The following NICN1 variants were observed in gnomAD, a reference collection of about 807,000 sequenced individuals.
NICN1 encodes nicolin-1.
In NICN1, 18 loss-of-function variants were observed where a neutral mutation model predicts 26.3. The observed-to-expected ratio is 0.68, with a 90% CI of 0.47 to 1.01. NICN1 has a LOEUF of 1.01. Ranked by LOEUF, NICN1 falls within the 50% of genes least tolerant of loss-of-function variation. NICN1 has a pLI of 0.00. For synonymous variants in NICN1, 109 were observed against 111.0 expected, an observed-to-expected ratio of 0.98 and a Z score of 0.11; for missense variants, 239 against 278.3, an observed-to-expected ratio of 0.86 and a Z score of 1.00.
rs536608166 is a variant in NICN1, at chr3:49,426,425, G to T, written c.136C>A (p.Gln46Lys). Residue 46 changes from glutamine (Q) to lysine (K), a missense_variant, in exon 2 of 6, where the codon CAG (glutamine) becomes AAG (lysine). Physicochemically the swap from Gln to Lys is moderately conservative, Grantham distance 53. Transcript: ENST00000273598. ...TFPSVAPFEL[Q>K]EITFKNYYTA... ...TAGTAATTCTTAAACGTGATTTCCT[G>T]CAACTAGAACACATACAACCCATTA... is the stretch of plus-strand genomic sequence containing the variant. The T allele has an allele frequency of 3.9e-5, 63 of 1,613,804 alleles. 1 individual carries two copies. The South Asian group carries it at 6.6e-4, about 17-fold the overall frequency.
chr3:49,427,017 G>T (rs537480648), intron 1 of NICN1, among the ~76,000 whole-genome samples: 2 of 152,192 alleles, frequency 1.3e-5, no homozygotes, highest in African/African-American at 4.8e-5. Flanking sequence ...TTCACCAAGT[G>T]GACTAAGAAA....
Position 49,422,566 on chromosome 3 carries a change from A to T in NICN1, c.*2267T>A, listed in dbSNP as rs1410277755. On this transcript the variant is annotated 3_prime_UTR_variant, in exon 6 of 6. Transcript: ENST00000273598. ...TCTCTCTCCGGAGCAAAGGATCTGA[A>T]GGGGGCGTGGGCAGCCCCAAGGGCA... 1.7e-6 allele frequency: 2 copies of T among 1,191,980 alleles called. No individual in the cohort carries two copies. Among genetic ancestry groups the T allele is most frequent in the Non-Finnish European group, 2.4e-6 (2 of 821,124 alleles). 73.8% of individuals were successfully genotyped at this position (1,191,980 alleles called of 1,614,324 possible).
At chr3:49,426,092 C>A (rs1299620028) in intron 2 of NICN1, 96 bp from the exon 3 acceptor site, 2 of 1,130,716 alleles carry the variant, frequency 1.8e-6, no homozygotes, top group Admixed American at 4.3e-5. Context: ...CCCCACAGGC[C>A]TTGGGAAGGA....
At chr3:49,426,837 G>C (rs1041627980) in intron 1 of NICN1, among the ~76,000 whole-genome samples, 1 of 151,978 alleles carries the variant, frequency 6.6e-6, no homozygotes, top group Non-Finnish European at 1.5e-5. Flanking sequence ...GTATCACTAG[G>C]GCCCAAAGAC....
At position 49,425,604 on chromosome 3, in the gene NICN1, TCTC is replaced by T. The variant is rs577362594; in HGVS notation, c.424-169_424-167del. ...AAAGAGGCAGTCAGACTACCTAAGT[TCTC>T]CTGCTGTGCAGACGGAGTCCTCAGA... On this transcript the variant is annotated intron_variant, in intron 3 of 5. Coordinates refer to ENST00000273598, the MANE Select transcript of NICN1 (RefSeq NM_032316.3). Among the ~76,000 whole-genome samples the T allele has an allele frequency of 2.7e-3, 416 of 151,766 alleles. 3 individuals carry two copies. Among genetic ancestry groups the T allele is most frequent in the African/African-American group, 9.3e-3 (386 of 41,396 alleles).
At chr3:49,426,524 CT>C in intron 1 of NICN1, 96 bp from the exon 2 acceptor site, 2 of 876,080 alleles carry the variant, frequency 2.3e-6, no homozygotes, top group Non-Finnish European at 3.5e-6. Flanking sequence ...TTCTCCCCAC[CT>C]TTTCTTTTTT....
intron 1 of NICN1, among the ~76,000 whole-genome samples, chr3:49,426,844 A>C (rs2049174233): frequency 6.6e-6 from 1 of 152,176 alleles, no homozygotes; most frequent in African/African-American, 2.4e-5. Flanking sequence ...TAGGGCCCAA[A>C]GACAATTCTG....
Position 49,423,206 on chromosome 3 carries a change from T to C in NICN1, c.*1627A>G, listed in dbSNP as rs918808948. On this transcript the variant is annotated 3_prime_UTR_variant, in exon 6 of 6. Coordinates refer to ENST00000273598, the MANE Select transcript of NICN1 (RefSeq NM_032316.3). ...GGTCACTGAACTCCCCCGAGAAAAC[T>C]GTTGAGCCACACACATGTCCAACTT... The C allele has an allele frequency of 2.0e-5, 3 of 151,138 alleles. No homozygotes were observed. Among genetic ancestry groups the C allele is most frequent in the African/African-American group, 7.4e-5 (3 of 40,450 alleles). The allele number at this position is 151,138 out of a possible 1,614,324, so 9.4% of individuals were successfully genotyped here.
rs2049152269 is a variant in NICN1 at position 49,424,365 on chromosome 3, C to G, written c.*468G>C. Reference sequence around the variant, plus strand: ...TGGCATAACACAAATGGAAAGAAAACCACTAGGGGACACACAGGAAGAAAT... The same window carrying G: ...TGGCATAACACAAATGGAAAGAAAAGCACTAGGGGACACACAGGAAGAAAT... On this transcript the variant is annotated 3_prime_UTR_variant, in exon 6 of 6. Transcript: ENST00000273598. 5.2e-6 allele frequency: 1 copy of G among 191,190 alleles called. No homozygotes were observed. Among genetic ancestry groups the G allele is most frequent in the African/African-American group, 2.4e-5 (1 of 42,394 alleles). 11.8% of individuals were successfully genotyped at this position (191,190 alleles called of 1,614,324 possible).
chr3:49,427,237 C>T (rs919726102), intron 1 of NICN1, among the ~76,000 whole-genome samples: 5 of 150,882 alleles, frequency 3.3e-5, no homozygotes, highest in Non-Finnish European at 5.9e-5. Context: ...AGGAGAATGG[C>T]GTGAACCCAG....
Position 49,424,998 on chromosome 3 carries a change from G to A in NICN1, c.551C>T (p.Thr184Ile). Reference sequence around the variant, plus strand: ...GGTGTGACTGGCCCGGATCATCTCTGTCAGTGCCCACATCTGCTGCACCTC... The same window carrying A: ...GGTGTGACTGGCCCGGATCATCTCTATCAGTGCCCACATCTGCTGCACCTC... Reference protein sequence around the residue: ...SSEVQQMWALTEMIRASHTSA... With the variant: ...SSEVQQMWALIEMIRASHTSA... The change falls in exon 5 of 6, where the codon ACA becomes ATA. Residue 184 changes from threonine (T) to isoleucine (I), a missense_variant. Thr to Ile is a moderately conservative substitution (Grantham distance 89, BLOSUM62 -1). Transcript: ENST00000273598. The A allele has an allele frequency of 6.2e-7, 1 of 1,614,126 alleles. No homozygotes were observed. The highest frequency in any genetic ancestry group is 8.5e-7 in the Non-Finnish European group (1 of 1,180,044).
intron 1 of NICN1, among the ~76,000 whole-genome samples, chr3:49,426,778 C>T (rs2049173702): frequency 6.6e-6 from 1 of 152,082 alleles, no homozygotes; most frequent in African/African-American, 2.4e-5. Context: ...GATCCACCTG[C>T]CTCTTCCCCT....
At chr3:49,427,629 C>T (rs995032764) in intron 1 of NICN1, among the ~76,000 whole-genome samples, 2 of 121,548 alleles carry the variant, frequency 1.6e-5, no homozygotes, top group Middle Eastern at 5.2e-3. Flanking sequence ...GGTGACAAAA[C>T]GAGGCTACCT....
In NICN1 at chr3:49,422,432, CACTT is replaced by C. The variant is rs1553638904; in HGVS notation, c.*2397_*2400del. The C allele has an allele frequency of 2.5e-6, 4 of 1,613,434 alleles. No individual in the cohort carries two copies. Among genetic ancestry groups the C allele is most frequent in the Admixed American group, 1.7e-5 (1 of 59,982 alleles). Reference sequence around the variant, plus strand: ...AGGCGAAAGCCCAGACGGGCCACCACACTTACAGCCCTCTGCATCGTCGCCTGCA... The same window carrying C: ...AGGCGAAAGCCCAGACGGGCCACCACACAGCCCTCTGCATCGTCGCCTGCA... On this transcript the variant is annotated 3_prime_UTR_variant, in exon 6 of 6. Transcript: ENST00000273598.
rs1246808842 is a variant in NICN1, at chr3:49,422,692, C to T, written c.*2141G>A. The T allele has an allele frequency of 9.1e-6, 6 of 658,144 alleles. No individual in the cohort carries two copies. The highest frequency in any genetic ancestry group is 5.3e-5 in the African/African-American group (3 of 56,246). 40.8% of individuals were successfully genotyped at this position (658,144 alleles called of 1,614,324 possible). A position where few individuals can be genotyped will look rare whatever the true frequency, so the allele number is the denominator to read the frequency against. The stretch of plus-strand genomic sequence containing the variant: ...TCAGGGCAGCTCGGGCAATCCAGAG[C>T]TGATTGGGCTGCCCAGAACAAAGCT... On this transcript the variant is annotated 3_prime_UTR_variant, in exon 6 of 6. Transcript: ENST00000273598.
rs2049156029 is a variant in NICN1 at position 49,424,660 on chromosome 3, T to C, written c.*173A>G. 1.6e-6 allele frequency: 1 copy of C among 644,792 alleles called. No homozygotes were observed. Among genetic ancestry groups the C allele is most frequent in the South Asian group, 1.8e-5 (1 of 54,542 alleles). 39.9% of individuals were successfully genotyped at this position (644,792 alleles called of 1,614,324 possible). A position where few individuals can be genotyped will look rare whatever the true frequency, so the allele number is the denominator to read the frequency against. On this transcript the variant is annotated 3_prime_UTR_variant, in exon 6 of 6. Coordinates refer to ENST00000273598, the MANE Select transcript of NICN1 (RefSeq NM_032316.3). ...AGAGCACCCCCATGCCAGGAGCTCA[T>C]GCTGAAGTAACACGGTAAGCCCCTG...
rs1348608860 is a variant in NICN1 at position 49,422,559 on chromosome 3, G to C, written c.*2274C>G. 5 of 1,239,466 alleles carry C rather than the reference G, an allele frequency of 4.0e-6. No individual in the cohort carries two copies. In the African/African-American group the frequency reaches 4.5e-5, roughly 11 times the overall value. 76.8% of individuals were successfully genotyped at this position (1,239,466 alleles called of 1,614,324 possible). A position where few individuals can be genotyped will look rare whatever the true frequency, so the allele number is the denominator to read the frequency against. On this transcript the variant is annotated 3_prime_UTR_variant, in exon 6 of 6. Transcript: ENST00000273598. ...GGACAGGTCTCTCTCCGGAGCAAAG[G>C]ATCTGAAGGGGGCGTGGGCAGCCCC...
In NICN1 at chr3:49,424,848, C is replaced by A. The variant is rs759200754; in HGVS notation, c.627G>T (p.Leu209Phe). Residue 209 changes from leucine (L) to phenylalanine (F), a missense_variant, in exon 6 of 6, where the codon TTG becomes TTT. Physicochemically the swap from Leu to Phe is conservative, Grantham distance 22. Transcript: ENST00000273598. ...GAGCAACCATTCAAGTGTAGGAGAGCAAGTTCAGGTCATAACAGCCATCCA... is the reference window on the plus strand; with the variant it reads ...GAGCAACCATTCAAGTGTAGGAGAGAAAGTTCAGGTCATAACAGCCATCCA... ...FDVDGCYDLN[L>F]LSYT 7 of 1,613,816 alleles carry A rather than the reference C, an allele frequency of 4.3e-6. No homozygotes were observed. In the South Asian group the frequency reaches 5.5e-5, roughly 13 times the overall value.
Position 49,423,511 on chromosome 3 carries a change from C to T in NICN1, c.*1322G>A, listed in dbSNP as rs2049142855. 6.6e-6 allele frequency: 1 copy of T among 152,440 alleles called. No individual in the cohort carries two copies. Among genetic ancestry groups the T allele is most frequent in the Non-Finnish European group, 1.5e-5 (1 of 68,234 alleles). 9.4% of individuals were successfully genotyped at this position (152,440 alleles called of 1,614,324 possible). A position where few individuals can be genotyped will look rare whatever the true frequency, so the allele number is the denominator to read the frequency against. On this transcript the variant is annotated 3_prime_UTR_variant, in exon 6 of 6. Coordinates refer to ENST00000273598, the MANE Select transcript of NICN1 (RefSeq NM_032316.3). The stretch of plus-strand genomic sequence containing the variant: ...GTGGCTCATGCCTGTAATCCCAGCA[C>T]TTTGGAAGGCCAAGGCAGGCAGATC...
Sources: gnomAD v4.1 joint callset for allele counts (sites outside exome capture counted in the v4.1 genomes callset) on GRCh38, gnomAD v4.1.1 for gene constraint, MANE v1.5 for transcripts, NCBI Gene and HGNC (gene_info 2026-07-23, HGNC 2026-07-21) for gene names.